ETFDH: variants seen among roughly 807,000 people sequenced by gnomAD.
ETFDH encodes the protein electron transfer flavoprotein-ubiquinone oxidoreductase, mitochondrial.
A neutral mutation model predicts 73.2 loss-of-function variants in ETFDH; 61 were observed. The ratio of observed to expected loss-of-function variants is 0.83; its 90% confidence interval spans 0.68 to 1.03. The LOEUF (loss-of-function observed/expected upper bound fraction) is 1.03, where lower values mean the gene tolerates loss of function less well. Ranked by LOEUF, ETFDH falls within the 50% of genes least tolerant of loss-of-function variation. The probability of loss-of-function intolerance (pLI) is 0.00; values close to 1 mark genes in which losing one functional copy is unlikely to be tolerated. For missense variants in ETFDH, 685 were observed against 745.0 expected (o/e 0.92, Z 0.94); for synonymous variants, 243 against 253.3 (o/e 0.96, Z 0.39).
chr4:158,706,591 T>A, intron 11 of ETFDH, 38 bp from the exon 12 acceptor site: 1 of 1,529,598 alleles, frequency 6.5e-7, no homozygotes, highest in Non-Finnish European at 9.1e-7. Context: ...TACTTCAAAA[T>A]CATATTTTGT....
intron 3 of ETFDH, 80 bp downstream of exon 3, chr4:158,682,504 A>G (rs946470117): frequency 9.2e-7 from 1 of 1,084,082 alleles, no homozygotes; most frequent in African/African-American, 1.6e-5. Flanking sequence ...ACTGGAATAT[A>G]GGAAACCCTT....
chr4:158,686,568 G>C (rs1310706184), intron 5 of ETFDH, among the ~76,000 whole-genome samples: 1 of 152,158 alleles, frequency 6.6e-6, no homozygotes, highest in Non-Finnish European at 1.5e-5. Flanking sequence ...AGGTATGGCT[G>C]GAGCAGAACT....
At chr4:158,707,089 T>C (rs190481182) in intron 12 of ETFDH, among the ~76,000 whole-genome samples, 1 of 152,000 alleles carries the variant, frequency 6.6e-6, no homozygotes, top group Admixed American at 6.6e-5. Context: ...ATGAAGATTC[T>C]TGAAAATGAA....
At chr4:158,697,728 C>T in intron 8 of ETFDH, 29 bp downstream of exon 8, 1 of 1,594,380 alleles carries the variant, frequency 6.3e-7, no homozygotes, top group Non-Finnish European at 8.6e-7. Flanking sequence ...AGGGAAAATT[C>T]TGCTGCTAGA....
intron 7 of ETFDH, among the ~76,000 whole-genome samples, chr4:158,696,581 T>C (rs1482007525): frequency 6.6e-6 from 1 of 152,140 alleles, no homozygotes. Flanking sequence ...TCAAAGTCTA[T>C]ATAAAACTAG....
At chr4:158,695,471 C>T (rs752965125) in intron 6 of ETFDH, 26 bp from the exon 7 acceptor site, 2 of 1,596,086 alleles carry the variant, frequency 1.3e-6, no homozygotes, top group Non-Finnish European at 1.7e-6. Flanking sequence ...TCAAATGTTG[C>T]CATTTAACAT....
rs781354386 is a variant in ETFDH, at chr4:158,706,271, G to A, written c.1368G>A (p.Pro456=). The change falls in exon 11 of 13, where the codon CCG becomes CCA. Residue 456 remains proline (P), a synonymous_variant. Transcript: ENST00000511912. ...TATATTCTGTTAGAAATATAAGACCGTCCTGCCACGGAGTACTGGGTGTAT... is the reference window on the plus strand; with the variant it reads ...TATATTCTGTTAGAAATATAAGACCATCCTGCCACGGAGTACTGGGTGTAT... ...KELYSVRNIR[P]SCHGVLGVYG... 2.8e-5 allele frequency: 45 copies of A among 1,611,186 alleles called. No homozygotes were observed. Among genetic ancestry groups the A allele is most frequent in the Non-Finnish European group, 3.6e-5 (42 of 1,177,452 alleles).
intron 10 of ETFDH, among the ~76,000 whole-genome samples, chr4:158,704,995 T>G (rs1048956991): frequency 6.6e-6 from 1 of 152,162 alleles, no homozygotes; most frequent in East Asian, 1.9e-4. Flanking sequence ...CATGTGTATA[T>G]AGTACCACAC....
At chr4:158,698,475 CT>C (rs1320297470) in intron 8 of ETFDH, among the ~76,000 whole-genome samples, 5 of 152,086 alleles carry the variant, frequency 3.3e-5, no homozygotes, top group Admixed American at 6.6e-5. Flanking sequence ...TTCTTTTCCT[CT>C]TTTTTTCTGA....
intron 8 of ETFDH, 54 bp downstream of exon 8, chr4:158,697,753 A>C: frequency 1.3e-6 from 2 of 1,495,008 alleles, no homozygotes; most frequent in South Asian, 2.3e-5. Context: ...TATTACCATC[A>C]GTGTTATAAA....
intron 12 of ETFDH, 120 bp from the exon 13 acceptor site, chr4:158,708,244 G>A: frequency 1.5e-6 from 1 of 684,970 alleles, no homozygotes. Flanking sequence ...ATCTCTATGG[G>A]TAAGCATTCA....
intron 9 of ETFDH, 73 bp downstream of exon 9, chr4:158,699,203 T>C (rs1220638715): frequency 4.4e-5 from 56 of 1,273,890 alleles, no homozygotes; most frequent in Non-Finnish European, 6.9e-6. Flanking sequence ...TGTAACAAAT[T>C]TAGATAAAGA....
intron 5 of ETFDH, among the ~76,000 whole-genome samples, chr4:158,687,433 A>T (rs1774034250): frequency 6.6e-6 from 1 of 152,180 alleles, no homozygotes; most frequent in Non-Finnish European, 1.5e-5. Context: ...CATGCCAGGG[A>T]CATACTTTTT....
chr4:158,695,804 G>T (rs575189666), intron 7 of ETFDH, among the ~76,000 whole-genome samples, 161 bp downstream of exon 7: 53 of 152,244 alleles, frequency 3.5e-4, no homozygotes, highest in Admixed American at 1.0e-3. Context: ...TTTTCAAGGG[G>T]CTAGAAGATA....
At chr4:158,707,624 C>T (rs1347124714) in intron 12 of ETFDH, among the ~76,000 whole-genome samples, 4 of 152,206 alleles carry the variant, frequency 2.6e-5, no homozygotes, top group East Asian at 1.9e-4. Flanking sequence ...ACCTAACATT[C>T]GTTATGTTAC....
At position 158,685,174 on chromosome 4, in the gene ETFDH, A is replaced by C. The variant is rs1318375497; in HGVS notation, c.561A>C (p.Ala187=). The C allele has an allele frequency of 6.2e-7, 1 of 1,612,688 alleles. No homozygotes were observed. Among genetic ancestry groups the C allele is most frequent in the African/African-American group, 1.3e-5 (1 of 74,904 alleles). ...TAGTGAGCTGGATGGGCGAACAAGC[A>C]GAAGCCCTTGGTGTTGAAGTATACC... ...GHLVSWMGEQ[A]EALGVEVYPG... Residue 187 remains alanine (A), a synonymous_variant, in exon 5 of 13, where the codon GCA becomes GCC. Coordinates refer to ENST00000511912, the MANE Select transcript of ETFDH (RefSeq NM_004453.4).
intron 1 of ETFDH, among the ~76,000 whole-genome samples, chr4:158,677,087 C>T (rs4616709): frequency 0.95 from 145,207 of 152,312 alleles, 69,564 homozygotes; most frequent in East Asian, 1. Context: ...TATTTTTTGT[C>T]GTTGCTTGTG....
At chr4:158,701,913 T>A (rs1774471590) in intron 9 of ETFDH, among the ~76,000 whole-genome samples, 1 of 152,194 alleles carries the variant, frequency 6.6e-6, no homozygotes, top group Non-Finnish European at 1.5e-5. Flanking sequence ...CCACCCTTAT[T>A]ACATTGTTTT....
chr4:158,688,163 G>A (rs1020648382), intron 5 of ETFDH, among the ~76,000 whole-genome samples: 1 of 152,128 alleles, frequency 6.6e-6, no homozygotes, highest in South Asian at 2.1e-4. Context: ...GGAGGCCCAG[G>A]TGGGCGGATC....
Sources: allele counts gnomAD v4.1 joint callset (sites outside exome capture counted in the v4.1 genomes callset), GRCh38; gene constraint gnomAD v4.1.1; transcripts MANE v1.5; gene names NCBI Gene and HGNC (gene_info 2026-07-23, HGNC 2026-07-21).